NUDT21: variants seen among roughly 807,000 people sequenced by gnomAD.
The protein encoded by NUDT21 is cleavage and polyadenylation specificity factor subunit 5.
Under a neutral mutation model 29.8 loss-of-function variants are expected in NUDT21, and 5 were observed. The ratio of observed to expected loss-of-function variants is 0.17; its 90% confidence interval spans 0.09 to 0.35. NUDT21 has a LOEUF of 0.35. Among genes scored for constraint, NUDT21 ranks in the 10% least tolerant of loss-of-function variants. The probability of loss-of-function intolerance (pLI) is 1.00; values close to 1 mark genes in which losing one functional copy is unlikely to be tolerated. For missense variants in NUDT21, 76 were observed against 276.0 expected (o/e 0.28, Z 5.13); for synonymous variants, 113 against 98.5 (o/e 1.15, Z -0.87).
At chr16:56,436,517 C>G (rs1262704465) in intron 4 of NUDT21, among the ~76,000 whole-genome samples, 1 of 152,164 alleles carries the variant, frequency 6.6e-6, no homozygotes, top group African/African-American at 2.4e-5. Context: ...AGGCAATTGT[C>G]CCAGGCTTTG....
chr16:56,432,508 A>G lies in NUDT21; in HGVS notation c.*204T>C. ...ACAAAAAAGTATGAGCAGAACCGAA[A>G]GTAAATAAACATTATCACATTTGTT... On this transcript the variant is annotated 3_prime_UTR_variant, in exon 7 of 7. Transcript: ENST00000300291. 4.8e-6 allele frequency: 2 copies of G among 417,100 alleles called. No homozygotes were observed. Among genetic ancestry groups the G allele is most frequent in the South Asian group, 1.1e-4 (1 of 9,374 alleles). The allele number at this position is 417,100 out of a possible 1,614,324, so 25.8% of individuals were successfully genotyped here. A position where few individuals can be genotyped will look rare whatever the true frequency, so the allele number is the denominator to read the frequency against.
chr16:56,430,390 A>G lies in NUDT21; in HGVS notation c.*2322T>C, dbSNP rs1253693651. On this transcript the variant is annotated 3_prime_UTR_variant, in exon 7 of 7. Coordinates refer to ENST00000300291, the MANE Select transcript of NUDT21 (RefSeq NM_007006.3). ...TAGTTTTACATAGAATCTGCACTAT[A>G]CTTGGATACTCAGGGAAAATAAGAT... 1 of 152,222 alleles carries G rather than the reference A, an allele frequency of 6.6e-6. No individual in the cohort carries two copies. Among genetic ancestry groups the G allele is most frequent in the Non-Finnish European group, 1.5e-5 (1 of 68,032 alleles). 9.4% of individuals were successfully genotyped at this position (152,222 alleles called of 1,614,324 possible).
intron 3 of NUDT21, among the ~76,000 whole-genome samples, chr16:56,444,067 G>A (rs566859808): frequency 6.6e-6 from 1 of 152,252 alleles, no homozygotes; most frequent in African/African-American, 2.4e-5. Flanking sequence ...ACTGCTTCAG[G>A]CCAGGAGTTT....
intron 3 of NUDT21, among the ~76,000 whole-genome samples, chr16:56,440,404 T>A (rs1400108267): frequency 2.0e-5 from 3 of 152,248 alleles, no homozygotes; most frequent in Non-Finnish European, 2.9e-5. Flanking sequence ...GTCTTTAACC[T>A]AATGTCCTTT....
At chr16:56,450,263 C>A (rs1962273677) in intron 1 of NUDT21, among the ~76,000 whole-genome samples, 1 of 152,202 alleles carries the variant, frequency 6.6e-6, no homozygotes, top group Admixed American at 6.5e-5. Flanking sequence ...CTGACAATTT[C>A]TTGATTAAGA....
Position 56,432,472 on chromosome 16 carries a change from TTTAATG to T in NUDT21, c.*234_*239del, listed in dbSNP as rs1410853191. 3 of 388,006 alleles carry T rather than the reference TTTAATG, an allele frequency of 7.7e-6. No homozygotes were observed. Among genetic ancestry groups the T allele is most frequent in the Non-Finnish European group, 1.4e-5 (3 of 212,264 alleles). 24.0% of individuals were successfully genotyped at this position (388,006 alleles called of 1,614,324 possible). A position where few individuals can be genotyped will look rare whatever the true frequency, so the allele number is the denominator to read the frequency against. On this transcript the variant is annotated 3_prime_UTR_variant, in exon 7 of 7. Transcript: ENST00000300291. ...ATTAAAATAAAAAAAGTCCATTTTC[TTTAATG>T]TTGTACAAAAAAGTATGAGCAGAAC...
At position 56,431,111 on chromosome 16, in the gene NUDT21, C is replaced by G. The variant is rs1302832115; in HGVS notation, c.*1601G>C. 1 of 152,208 alleles carries G rather than the reference C, an allele frequency of 6.6e-6. No homozygotes were observed. Among genetic ancestry groups the G allele is most frequent in the Non-Finnish European group, 1.5e-5 (1 of 68,034 alleles). 9.4% of individuals were successfully genotyped at this position (152,208 alleles called of 1,614,324 possible). A position where few individuals can be genotyped will look rare whatever the true frequency, so the allele number is the denominator to read the frequency against. On this transcript the variant is annotated 3_prime_UTR_variant, in exon 7 of 7. Coordinates refer to ENST00000300291, the MANE Select transcript of NUDT21 (RefSeq NM_007006.3). ...CTCAAAAGCAATCATGGAAGGTGAG[C>G]TGAATCAATCCATCTTCATATCCAC...
At chr16:56,448,642 C>T (rs1253700126) in intron 1 of NUDT21, among the ~76,000 whole-genome samples, 7 of 152,144 alleles carry the variant, frequency 4.6e-5, no homozygotes, top group African/African-American at 4.8e-5. Context: ...CATATCTAAT[C>T]GAAAACTCTC....
intron 4 of NUDT21, among the ~76,000 whole-genome samples, chr16:56,437,616 A>G (rs1373991684): frequency 6.6e-6 from 1 of 152,174 alleles, no homozygotes; most frequent in African/African-American, 2.4e-5. Flanking sequence ...ACCCTTATCC[A>G]ATGGGGTATA....
At chr16:56,433,598 C>G (rs1218814919) in intron 6 of NUDT21, among the ~76,000 whole-genome samples, 1 of 152,164 alleles carries the variant, frequency 6.6e-6, no homozygotes, top group Non-Finnish European at 1.5e-5. Context: ...AAGTTCAGGA[C>G]CTAATCCCAC....
chr16:56,431,434 G>C lies in NUDT21; in HGVS notation c.*1278C>G, dbSNP rs1276033541. ...AACTTGAGTGTTTATTAATTGCTCA[G>C]CTACACTTGGCCTGATTTCCTCAAG... On this transcript the variant is annotated 3_prime_UTR_variant, in exon 7 of 7. Transcript: ENST00000300291. 6.6e-6 allele frequency: 1 copy of C among 152,170 alleles called. No individual in the cohort carries two copies. 9.4% of individuals were successfully genotyped at this position (152,170 alleles called of 1,614,324 possible). A position where few individuals can be genotyped will look rare whatever the true frequency, so the allele number is the denominator to read the frequency against.
At position 56,429,982 on chromosome 16, in the gene NUDT21, A is replaced by C. The variant is rs1331363636; in HGVS notation, c.*2730T>G. 2 of 152,238 alleles carry C rather than the reference A, an allele frequency of 1.3e-5. No homozygotes were observed. Among genetic ancestry groups the C allele is most frequent in the Non-Finnish European group, 2.9e-5 (2 of 68,042 alleles). 9.4% of individuals were successfully genotyped at this position (152,238 alleles called of 1,614,324 possible). A position where few individuals can be genotyped will look rare whatever the true frequency, so the allele number is the denominator to read the frequency against. ...TTGCTTGCTGGCCTGTTGAATTTGA[A>C]GTACTTCTACCTCTCACTTCTAATT... On this transcript the variant is annotated 3_prime_UTR_variant, in exon 7 of 7. Coordinates refer to ENST00000300291, the MANE Select transcript of NUDT21 (RefSeq NM_007006.3).
intron 3 of NUDT21, among the ~76,000 whole-genome samples, chr16:56,445,923 G>A (rs1245367779): frequency 6.6e-6 from 1 of 152,168 alleles, no homozygotes; most frequent in Non-Finnish European, 1.5e-5. Context: ...TCAAAAGTGG[G>A]AGAATTACGG....
At chr16:56,434,194 C>A (rs368097012) in intron 6 of NUDT21, 137 bp downstream of exon 6, 6 of 644,390 alleles carry the variant, frequency 9.3e-6, no homozygotes, top group South Asian at 8.9e-5. Flanking sequence ...ATGGCTTGCA[C>A]ATGATCTAAG....
chr16:56,444,556 C>T (rs550724753), intron 3 of NUDT21, among the ~76,000 whole-genome samples: 1 of 149,086 alleles, frequency 6.7e-6, no homozygotes, highest in African/African-American at 2.5e-5. Context: ...TTGGAGATCA[C>T]GCCACTGCAC....
chr16:56,441,275 T>C (rs1227611325), intron 3 of NUDT21, among the ~76,000 whole-genome samples: 1 of 152,084 alleles, frequency 6.6e-6, no homozygotes, highest in Non-Finnish European at 1.5e-5. Context: ...CTCGCTCTGT[T>C]GCCCAGGCTG....
chr16:56,432,173 G>A lies in NUDT21; in HGVS notation c.*539C>T, dbSNP rs995454024. 1 of 152,348 alleles carries A rather than the reference G, an allele frequency of 6.6e-6. No homozygotes were observed. Among genetic ancestry groups the A allele is most frequent in the African/African-American group, 2.4e-5 (1 of 41,416 alleles). 9.4% of individuals were successfully genotyped at this position (152,348 alleles called of 1,614,324 possible). A position where few individuals can be genotyped will look rare whatever the true frequency, so the allele number is the denominator to read the frequency against. ...GGCCTGGATGGTTATAAAATGTACT[G>A]GTCAGTGAATTATACTGGGAGTTCT... On this transcript the variant is annotated 3_prime_UTR_variant, in exon 7 of 7. Coordinates refer to ENST00000300291, the MANE Select transcript of NUDT21 (RefSeq NM_007006.3).
chr16:56,442,083 T>C (rs553566346), intron 3 of NUDT21, among the ~76,000 whole-genome samples: 16 of 152,300 alleles, frequency 1.1e-4, no homozygotes, highest in African/African-American at 3.6e-4. Flanking sequence ...TTTTTCACCA[T>C]GTTGCCAAGG....
intron 2 of NUDT21, chr16:56,446,963 A>T: frequency 3.4e-6 from 1 of 294,570 alleles, no homozygotes; most frequent in South Asian, 7.2e-5. Flanking sequence ...TTTGTTACAT[A>T]GGTATATTGT....
Sources: allele counts gnomAD v4.1 joint callset (sites outside exome capture counted in the v4.1 genomes callset), GRCh38; gene constraint gnomAD v4.1.1; transcripts MANE v1.5; gene names NCBI Gene and HGNC (gene_info 2026-07-23, HGNC 2026-07-21).